RAF1: variants seen among roughly 807,000 people sequenced by gnomAD.
The protein encoded by RAF1 is Raf-1 proto-oncogene, serine/threonine kinase, also known as RAF proto-oncogene serine/threonine-protein kinase.
In RAF1, 27 loss-of-function variants were observed where a neutral mutation model predicts 81.1. The observed-to-expected ratio is 0.33, with a 90% CI of 0.25 to 0.46. The LOEUF (loss-of-function observed/expected upper bound fraction) is 0.46. RAF1 is among the 20% of genes least tolerant of loss of function. The pLI, the probability that RAF1 is intolerant of heterozygous loss-of-function variation, is 1.00. For synonymous variants in RAF1, 298 were observed against 294.0 expected, an observed-to-expected ratio of 1.01 and a Z score of -0.14; for missense variants, 598 against 826.0, an observed-to-expected ratio of 0.72 and a Z score of 3.38.
At chr3:12,617,920 A>G (rs5746187) in intron 2 of RAF1, among the ~76,000 whole-genome samples, 31,190 of 149,600 alleles carry the variant, frequency 0.21, 3,568 homozygotes, top group African/African-American at 0.29. Flanking sequence ...GAAATTTTCT[A>G]TCAGAAAACC....
At chr3:12,600,494 T>C in intron 8 of RAF1, 79 bp from the exon 8 acceptor site, 1 of 1,481,478 alleles carries the variant, frequency 6.8e-7, no homozygotes, top group Non-Finnish European at 9.4e-7. Context: ...AGGAGGAGGA[T>C]GTGCAAGAAC....
intron 17 of RAF1, 56 bp from the exon 17 acceptor site, chr3:12,584,713 ACCCTGCCC>A: frequency 6.2e-7 from 1 of 1,613,436 alleles, no homozygotes; most frequent in Non-Finnish European, 8.5e-7. Flanking sequence ...CACAGGATGT[ACCCTGCCC>A]CCCACCATCT....
At chr3:12,587,272 G>A (rs866615281) in intron 14 of RAF1, 5 of 364,774 alleles carry the variant, frequency 1.4e-5, no homozygotes, top group South Asian at 1.0e-4. Flanking sequence ...CCCAATCCCC[G>A]TCAGGTTACA....
At chr3:12,619,913 T>C (rs1480823407) in intron 1 of RAF1, among the ~76,000 whole-genome samples, 1 of 151,402 alleles carries the variant, frequency 6.6e-6, no homozygotes, top group African/African-American at 2.4e-5. Context: ...ATACCCTGTC[T>C]CTACTAAAAA....
intron 1 of RAF1, among the ~76,000 whole-genome samples, chr3:12,655,249 A>AT (rs1051232595): frequency 1.5e-4 from 22 of 151,624 alleles, no homozygotes; most frequent in Non-Finnish European, 2.5e-4. Context: ...AGCCCAGCGA[A>AT]TTTTTTTTGT....
At chr3:12,613,444 A>C (rs1448942142) in intron 2 of RAF1, among the ~76,000 whole-genome samples, 2 of 141,508 alleles carry the variant, frequency 1.4e-5, no homozygotes, top group African/African-American at 5.1e-5. Context: ...CCGCCCCCAG[A>C]AGGTGGTGAG....
rs1404466685 is a variant in RAF1, at chr3:12,655,365, C to CATG, written c.-27+8445_-27+8447dup. On this transcript the variant is annotated intron_variant, in intron 1 of 17. Coordinates refer to ENST00000442415, the MANE Select transcript of RAF1 (RefSeq NM_001354689.3). ...CCTCCCAAAGTGCTGGGATTACAGG[C>CATG]ATGAGCCACCGTGCCCAGCCCAAGA... Among the ~76,000 whole-genome samples, 131 of 152,298 alleles carry CATG rather than the reference C, an allele frequency of 8.6e-4. 1 individual carries two copies. Among genetic ancestry groups the CATG allele is most frequent in the Non-Finnish European group, 4.4e-4 (30 of 68,028 alleles).
At position 12,584,151 on chromosome 3, in the gene RAF1, G is replaced by A. The variant is rs897558260; in HGVS notation, c.*363C>T. 7.7e-6 allele frequency: 3 copies of A among 388,848 alleles called. No individual in the cohort carries two copies. Among genetic ancestry groups the A allele is most frequent in the Admixed American group, 3.9e-5 (1 of 25,946 alleles). 24.1% of individuals were successfully genotyped at this position (388,848 alleles called of 1,614,324 possible). A position where few individuals can be genotyped will look rare whatever the true frequency, so the allele number is the denominator to read the frequency against. On this transcript the variant is annotated 3_prime_UTR_variant, in exon 18 of 18. Coordinates refer to ENST00000442415, the MANE Select transcript of RAF1 (RefSeq NM_001354689.3). ...AAATCCCATGTGTCTCCACATCAGG[G>A]CTGGACTGCCTGCTACCTTACTTCC...
chr3:12,603,632 TAAACCAATAGG>T, intron 7 of RAF1: 1 of 616,162 alleles, frequency 1.6e-6, no homozygotes, highest in Non-Finnish European at 2.9e-6. Flanking sequence ...GAAAGCAAAT[TAAACCAATAGG>T]ACATAACCAA....
At position 12,618,578 on chromosome 3, in the gene RAF1, G is replaced by A. The variant is rs1217477812; in HGVS notation, c.144C>T (p.Leu48=). The A allele has an allele frequency of 9.9e-6, 16 of 1,614,018 alleles. No individual in the cohort carries two copies. Among genetic ancestry groups the A allele is most frequent in the Non-Finnish European group, 1.3e-5 (15 of 1,180,040 alleles). The change falls in exon 2 of 18, where the codon CTC becomes CTT. Residue 48 remains leucine (L), a synonymous_variant. Transcript: ENST00000442415. The stretch of plus-strand genomic sequence containing the variant: ...TGTTGCTTGTCTTAGAAGGATCTGT[G>A]AGTTTGCCATCATCTGATGCCCGGC...
chr3:12,641,496 T>G (rs1393320255), intron 1 of RAF1, among the ~76,000 whole-genome samples: 20 of 150,628 alleles, frequency 1.3e-4, no homozygotes, highest in Admixed American at 8.6e-4. Flanking sequence ...TTTGGTTTTT[T>G]TTTTTTTTTT....
chr3:12,588,362 GA>G (rs1406525914), intron 13 of RAF1: 1 of 152,178 alleles, frequency 6.6e-6, no homozygotes, highest in Non-Finnish European at 1.5e-5. Flanking sequence ...TACCTTCTGA[GA>G]AATGTGTTGT....
chr3:12,625,648 C>T lies in RAF1; in HGVS notation c.-26-6901G>A, dbSNP rs76755971. ...AGGACTGGTTTAAAAACAAGACCTC[C>T]CAGGAAAGAATACTGCCCCCAGTAC... On this transcript the variant is annotated intron_variant, in intron 1 of 17. Coordinates refer to ENST00000442415, the MANE Select transcript of RAF1 (RefSeq NM_001354689.3). Among the ~76,000 whole-genome samples, 9 of 152,156 alleles carry T rather than the reference C, an allele frequency of 5.9e-5. No individual in the cohort carries two copies. In the South Asian group the frequency reaches 1.9e-3, roughly 32 times the overall value.
chr3:12,616,148 A>T (rs2059362179), intron 2 of RAF1, among the ~76,000 whole-genome samples: 1 of 152,200 alleles, frequency 6.6e-6, no homozygotes, highest in Non-Finnish European at 1.5e-5. Flanking sequence ...AGGTCAGGAA[A>T]GAGGATCAAA....
intron 10 of RAF1, 85 bp downstream of exon 9, chr3:12,600,067 C>T (rs1267731773): frequency 6.3e-7 from 1 of 1,576,160 alleles, no homozygotes; most frequent in Non-Finnish European, 8.7e-7. Context: ...AATCTTCTCC[C>T]AAAATAAGTT....
chr3:12,630,699 A>G (rs185316333), intron 1 of RAF1, among the ~76,000 whole-genome samples: 36 of 152,310 alleles, frequency 2.4e-4, no homozygotes, highest in Non-Finnish European at 4.0e-4. Flanking sequence ...TGTGGGTAAC[A>G]TAATGCCTTG....
chr3:12,599,542 T>C (rs983351197), intron 11 of RAF1, 149 bp downstream of exon 10: 18 of 659,868 alleles, frequency 2.7e-5, no homozygotes, highest in Non-Finnish European at 4.4e-5. Flanking sequence ...AAGAATTAAG[T>C]TCAATCTTCA....
In RAF1 at chr3:12,584,286, G is replaced by A. The variant is rs2058243825; in HGVS notation, c.*228C>T. The A allele has an allele frequency of 1.8e-5, 10 of 570,890 alleles. No individual in the cohort carries two copies. The highest frequency in any genetic ancestry group is 4.8e-4 in the Middle Eastern group (1 of 2,104). 35.4% of individuals were successfully genotyped at this position (570,890 alleles called of 1,614,324 possible). On this transcript the variant is annotated 3_prime_UTR_variant, in exon 18 of 18. Transcript: ENST00000442415. ...GCTGGGCCTTGAGCATGGGGAATGT[G>A]GGGAGGGAGCAGGACACACCAGCAC...
At position 12,651,653 on chromosome 3, in the gene RAF1, CAA is replaced by C. The variant is rs58108878; in HGVS notation, c.-27+12158_-27+12159del. Among the ~76,000 whole-genome samples, 5 of 121,000 alleles carry C rather than the reference CAA, an allele frequency of 4.1e-5. No individual in the cohort carries two copies. The South Asian group carries it at 9.6e-4, about 23-fold the overall frequency. The allele number at this position is 121,000 out of a possible 152,430, so 79.4% of individuals were successfully genotyped here. A position where few individuals can be genotyped will look rare whatever the true frequency, so the allele number is the denominator to read the frequency against. On this transcript the variant is annotated intron_variant, in intron 1 of 17. Transcript: ENST00000442415. ...TGGGCAATAGAGCGAGACTTGGTCT[CAA>C]AAAAAAAAAAAGATACACGAATTGA...
Sources: gnomAD v4.1 joint callset for allele counts (sites outside exome capture counted in the v4.1 genomes callset) on GRCh38, gnomAD v4.1.1 for gene constraint, MANE v1.5 for transcripts, NCBI Gene and HGNC (gene_info 2026-07-23, HGNC 2026-07-21) for gene names.